The following TENM2 variants were observed in gnomAD, a reference collection of about 807,000 sequenced individuals.
The protein encoded by TENM2 is teneurin transmembrane protein 2, also known as teneurin-2.
A neutral mutation model predicts 245.2 loss-of-function variants in TENM2; 52 were observed. The ratio of observed to expected loss-of-function variants is 0.21; its 90% CI spans 0.17 to 0.27. The LOEUF is 0.27. Among genes scored for constraint, TENM2 ranks in the 10% least tolerant of loss-of-function variants. The pLI, the probability that TENM2 is intolerant of heterozygous loss-of-function variation, is 1.00. For synonymous variants in TENM2, 1,363 were observed against 1,438.9 expected, an observed-to-expected ratio of 0.95 and a Z score of 1.19; for missense variants, 3,046 against 3,666.8, an observed-to-expected ratio of 0.83 and a Z score of 4.37.
At chr5:167,459,531 ACC>A (rs1766149272) in intron 2 of TENM2, among the ~76,000 whole-genome samples, 1 of 152,192 alleles carries the variant, frequency 6.6e-6, no homozygotes, top group Admixed American at 6.5e-5. Flanking sequence ...GGATTACCAG[ACC>A]ATATGTTATC....
intron 1 of TENM2, among the ~76,000 whole-genome samples, chr5:167,364,710 G>A (rs1759936105): frequency 6.6e-6 from 1 of 151,932 alleles, no homozygotes; most frequent in Non-Finnish European, 1.5e-5. Flanking sequence ...AGAATTACAA[G>A]AGAAAAAGAT....
rs753034342 is a variant in TENM2, at chr5:168,233,155, A to G, written c.5520+5025A>G. Among the ~76,000 whole-genome samples, 45 of 152,114 alleles carry G rather than the reference A, an allele frequency of 3.0e-4. 1 individual carries two copies. Among genetic ancestry groups the G allele is most frequent in the Admixed American group, 8.5e-4 (13 of 15,272 alleles). On this transcript the variant is annotated intron_variant, in intron 25 of 28. Coordinates refer to ENST00000518659, the Ensembl canonical transcript of TENM2. Reference sequence around the variant, plus strand: ...CTCCTGAACAAAATGGTGAAACCCCATCTCTACTAAAAATACAAAAATCAG... The same window carrying G: ...CTCCTGAACAAAATGGTGAAACCCCGTCTCTACTAAAAATACAAAAATCAG...
the TENM2 span, among the ~76,000 whole-genome samples, chr5:167,095,460 G>A: frequency 2.0e-5 from 3 of 152,100 alleles, no homozygotes; most frequent in Admixed American, 1.3e-4. Flanking sequence ...TGTAGGAGGC[G>A]GCGGGCGGCA....
chr5:167,343,079 C>G (rs1379428396), intron 1 of TENM2, among the ~76,000 whole-genome samples: 1 of 152,088 alleles, frequency 6.6e-6, no homozygotes. Context: ...CAAGTTAATA[C>G]TATTTTATTT....
intron 1 of TENM2, among the ~76,000 whole-genome samples, chr5:167,363,489 T>C (rs1267030430): frequency 6.6e-6 from 1 of 151,946 alleles, no homozygotes; most frequent in Non-Finnish European, 1.5e-5. Context: ...TCCAGCACTT[T>C]GGGAGGTCGA....
chr5:168,040,210 A>G (rs1415857162), intron 5 of TENM2, among the ~76,000 whole-genome samples: 1 of 152,180 alleles, frequency 6.6e-6, no homozygotes, highest in Non-Finnish European at 1.5e-5. Context: ...GCAGCAGACA[A>G]AATCCCTGCT....
Position 167,475,237 on chromosome 5 carries a change from T to C in TENM2, c.502+99764T>C, listed in dbSNP as rs561832283. ...TTAAAGAATTAAATACGTTGAAGAA[T>C]ATCACATGTACCTAGAACAGCCTTC... On this transcript the variant is annotated intron_variant, in intron 2 of 28. Transcript: ENST00000518659. 2.1e-3 allele frequency among the ~76,000 whole-genome samples: 314 copies of C among 152,318 alleles called. 1 individual carries two copies. The highest frequency in any genetic ancestry group is 3.4e-3 in the Non-Finnish European group (230 of 68,026).
chr5:167,440,717 C>A (rs973817177), intron 2 of TENM2, among the ~76,000 whole-genome samples: 4 of 151,964 alleles, frequency 2.6e-5, no homozygotes, highest in African/African-American at 4.8e-5. Flanking sequence ...AGTCTCCCCC[C>A]ATCCTCTCTT....
chr5:168,260,252 C>A, intron 27 of TENM2, 31 bp from the exon 30 acceptor site: 1 of 1,612,846 alleles, frequency 6.2e-7, no homozygotes, highest in South Asian at 1.1e-5. Flanking sequence ...ATCATGATTT[C>A]AGAAACCTTT....
intron 2 of TENM2, among the ~76,000 whole-genome samples, chr5:167,649,053 T>G (rs934024045): frequency 2.6e-5 from 4 of 152,176 alleles, no homozygotes; most frequent in African/African-American, 7.2e-5. Flanking sequence ...ATTAGATTGT[T>G]AAAACATCTG....
rs780644454 is a variant in TENM2 at position 168,247,466 on chromosome 5, C to T, written c.6527C>T (p.Thr2176Met). The change falls in exon 27 of 29, where the codon ACG becomes ATG. Residue 2176 changes from threonine to methionine, a missense_variant. By Grantham distance (81) the Thr-to-Met change is moderately conservative. Around this residue, in one of 2 missense-constraint regions of TENM2, gnomAD observed 2,704 missense variants for 3,331.9 expected, o/e 0.81. Coordinates refer to ENST00000518659, the Ensembl canonical transcript of TENM2. The surrounding 1 kb of genome is among the most constrained non-coding windows in gnomAD (Gnocchi z 7.8). ...TTCCGGTCCCTCATGTACTGGATGA[C>T]GGTGCAATATGACAGCATGGGCAGG... is the stretch of plus-strand genomic sequence containing the variant. The T allele has an allele frequency of 9.1e-5, 147 of 1,612,552 alleles. No homozygotes were observed. The highest frequency in any genetic ancestry group is 4.5e-5 in the East Asian group (2 of 44,838).
chr5:167,046,389 G>A, the TENM2 span, among the ~76,000 whole-genome samples: 1 of 152,144 alleles, frequency 6.6e-6, no homozygotes, highest in Non-Finnish European at 1.5e-5. Context: ...AGGTTAATCA[G>A]TGTCATTTTT....
At chr5:167,916,285 G>A (rs769174592) in intron 3 of TENM2, among the ~76,000 whole-genome samples, 6 of 152,058 alleles carry the variant, frequency 3.9e-5, no homozygotes, top group Admixed American at 1.3e-4. Context: ...AACCAGCTCC[G>A]AATCCATTGA....
chr5:167,886,920 G>A (rs1404640747), intron 3 of TENM2, among the ~76,000 whole-genome samples: 1 of 152,164 alleles, frequency 6.6e-6, no homozygotes, highest in African/African-American at 2.4e-5. Flanking sequence ...GAGCACTTGC[G>A]TCAAACCCAC....
intron 2 of TENM2, among the ~76,000 whole-genome samples, chr5:167,450,323 T>C (rs1582081274): frequency 2.0e-5 from 3 of 152,306 alleles, no homozygotes; most frequent in Middle Eastern, 3.4e-3. Flanking sequence ...TCTTCCACAA[T>C]GTCAGTATCC....
chr5:168,002,325 T>C (rs751831608), intron 5 of TENM2, among the ~76,000 whole-genome samples: 2 of 152,234 alleles, frequency 1.3e-5, no homozygotes, highest in Non-Finnish European at 2.9e-5. Flanking sequence ...GAAGGGCATA[T>C]TACCTTGCTT....
intron 5 of TENM2, among the ~76,000 whole-genome samples, chr5:168,032,061 G>A (rs1456014267): frequency 3.3e-5 from 5 of 152,100 alleles, no homozygotes; most frequent in Non-Finnish European, 7.4e-5. Context: ...AGAAAGCATT[G>A]TAGTCAAGTG....
intron 2 of TENM2, among the ~76,000 whole-genome samples, chr5:167,527,003 G>A (rs1471181123): frequency 1.3e-5 from 2 of 151,972 alleles, no homozygotes; most frequent in Non-Finnish European, 2.9e-5. Context: ...ATCAATCCCT[G>A]TCTCCTGGCA....
the TENM2 span, among the ~76,000 whole-genome samples, chr5:167,149,318 GTTAT>G: frequency 1.3e-5 from 2 of 152,032 alleles, no homozygotes; most frequent in African/African-American, 4.8e-5. Context: ...TTCTTCAGTT[GTTAT>G]TTATCTAGTG....
Sources: gnomAD v4.1 joint callset for allele counts (sites outside exome capture counted in the v4.1 genomes callset) on GRCh38, gnomAD v4.1.1 for gene constraint, gnomAD v4.1.1 regional missense constraint, Gnocchi (gnomAD v3.1) non-coding constraint, MANE v1.5 for transcripts, NCBI Gene and HGNC (gene_info 2026-07-23, HGNC 2026-07-21) for gene names.